Variants in CRB3 observed in about 807,000 individuals in gnomAD.
CRB3 encodes the protein protein crumbs homolog 3.
In CRB3, 4 loss-of-function variants were observed where a neutral mutation model predicts 10.4. The observed-to-expected ratio is 0.39, with a 90% CI of 0.19 to 0.88. CRB3 has a LOEUF of 0.88. Ranked by LOEUF, CRB3 falls within the 40% of genes least tolerant of loss-of-function variation. The pLI, the probability that CRB3 is intolerant of heterozygous loss-of-function variation, is 0.39. For synonymous variants in CRB3, 74 were observed against 73.4 expected, an observed-to-expected ratio of 1.01 and a Z score of -0.04; for missense variants, 154 against 160.2, an observed-to-expected ratio of 0.96 and a Z score of 0.21.
In CRB3 at chr19:6,466,380, TA is replaced by T. The variant is rs2092794418; in HGVS notation, c.157-85del. 2.9e-6 allele frequency: 3 copies of T among 1,032,292 alleles called. No individual in the cohort carries two copies. Among genetic ancestry groups the T allele is most frequent in the Non-Finnish European group, 4.5e-6 (3 of 671,556 alleles). The allele number at this position is 1,032,292 out of a possible 1,614,324, so 63.9% of individuals were successfully genotyped here. A position where few individuals can be genotyped will look rare whatever the true frequency, so the allele number is the denominator to read the frequency against. On this transcript the variant is annotated intron_variant, in intron 3 of 3. Coordinates refer to ENST00000600229, the MANE Select transcript of CRB3 (RefSeq NM_139161.5). This position sits in a 1 kb window ranked among gnomAD's most constrained non-coding sequence, Gnocchi z 4.9. ...GTATGTGTGTGTGTGTGTTGTGGGGTAGGGGGTGATGAGGGGGATGCCATTC... is the reference window on the plus strand; with the variant it reads ...GTATGTGTGTGTGTGTGTTGTGGGGTGGGGGTGATGAGGGGGATGCCATTC...
intron 2 of CRB3, chr19:6,465,332 G>A (rs766100786): frequency 3.3e-6 from 2 of 613,580 alleles, no homozygotes; most frequent in Admixed American, 2.6e-5. Flanking sequence ...TGGGCTCTGC[G>A]GGACTGGGTC....
rs2092784999 is a variant in CRB3 at position 6,464,429 on chromosome 19, C to G, written c.-95+79C>G. On this transcript the variant is annotated intron_variant, in intron 1 of 3. Coordinates refer to ENST00000600229, the MANE Select transcript of CRB3 (RefSeq NM_139161.5). The surrounding 1 kb of genome is among the most constrained non-coding windows in gnomAD (Gnocchi z 5.3). ...CGTCCCGTCCCGTCCCGTCCCGTCCCCTTCCTTTCCCCAGCCCAGGAACGC... is the reference window on the plus strand; with the variant it reads ...CGTCCCGTCCCGTCCCGTCCCGTCCGCTTCCTTTCCCCAGCCCAGGAACGC... 4 of 347,846 alleles carry G rather than the reference C, an allele frequency of 1.1e-5. No individual in the cohort carries two copies. The highest frequency in any genetic ancestry group is 3.0e-4 in the South Asian group (2 of 6,608). The allele number at this position is 347,846 out of a possible 1,614,324, so 21.5% of individuals were successfully genotyped here.
Position 6,466,858 on chromosome 19 carries a change from G to C in CRB3, c.*186G>C. The C allele has an allele frequency of 6.4e-7, 1 of 1,568,822 alleles. No individual in the cohort carries two copies. Among genetic ancestry groups the C allele is most frequent in the Non-Finnish European group, 8.7e-7 (1 of 1,155,394 alleles). On this transcript the variant is annotated 3_prime_UTR_variant, in exon 4 of 4. Transcript: ENST00000600229. This position sits in a 1 kb window ranked among gnomAD's most constrained non-coding sequence, Gnocchi z 4.9. ...CTGCTTGGCTGTGCCTGCAGCTCAG[G>C]GTGCTGGGGCTCGGGACCCACCCCC...
chr19:6,466,423 G>A lies in CRB3; in HGVS notation c.157-43G>A. On this transcript the variant is annotated intron_variant, in intron 3 of 3. Coordinates refer to ENST00000600229, the MANE Select transcript of CRB3 (RefSeq NM_139161.5). The surrounding 1 kb of genome is among the most constrained non-coding windows in gnomAD (Gnocchi z 4.9). ...ATGCCATTCAGGTGGAGGTGGACAG[G>A]CTACCCAGGCTCAGGTGATTCACAC... 2.5e-6 allele frequency: 4 copies of A among 1,568,694 alleles called. No individual in the cohort carries two copies. Among genetic ancestry groups the A allele is most frequent in the Non-Finnish European group, 2.6e-6 (3 of 1,141,860 alleles).
At position 6,464,776 on chromosome 19, in the gene CRB3, G is replaced by A; in HGVS notation, c.75G>A (p.Trp25Ter). 1 of 1,269,092 alleles carries A rather than the reference G, an allele frequency of 7.9e-7. No homozygotes were observed. The allele number at this position is 1,269,092 out of a possible 1,614,324, so 78.6% of individuals were successfully genotyped here. A position where few individuals can be genotyped will look rare whatever the true frequency, so the allele number is the denominator to read the frequency against. ...PFLLARWGRA[W>*]GQIQTTSANE... ...TGCTGGCCCGCTGGGGCCGAGCCTGGGGGCAAAGTAGGTACCAGCTGAGAG... is the reference window on the plus strand; with the variant it reads ...TGCTGGCCCGCTGGGGCCGAGCCTGAGGGCAAAGTAGGTACCAGCTGAGAG... Residue 25 changes from tryptophan to a stop codon, truncating the protein, a stop_gained, in exon 2 of 4, where the codon TGG becomes TGA. Coordinates refer to ENST00000600229, the MANE Select transcript of CRB3 (RefSeq NM_139161.5). LOFTEE classifies it high-confidence loss of function. This position sits in a 1 kb window ranked among gnomAD's most constrained non-coding sequence, Gnocchi z 5.3.
At chr19:6,465,286 G>A (rs557225390) in intron 2 of CRB3, 2 of 512,364 alleles carry the variant, frequency 3.9e-6, no homozygotes, top group South Asian at 5.2e-5. Context: ...GGGCCGAGAG[G>A]TGAGTAGGGG....
At chr19:6,463,999 G>C (rs1270457053), upstream of CRB3, 1 of 152,158 alleles carries the variant, frequency 6.6e-6, no homozygotes, top group African/African-American at 2.4e-5. Context: ...TACATACCCC[G>C]TGCGTCTCCA....
Position 6,466,200 on chromosome 19 carries a change from CA to C in CRB3, c.157-256del, listed in dbSNP as rs1343339886. ...TGGGCAACAGAGCAAGACTCGGTCTCAAAAAAAAAAGCCGGAGTCCCAGACA... is the reference window on the plus strand; with the variant it reads ...TGGGCAACAGAGCAAGACTCGGTCTCAAAAAAAAAGCCGGAGTCCCAGACA... On this transcript the variant is annotated intron_variant, in intron 3 of 3. Transcript: ENST00000600229. This position sits in a 1 kb window ranked among gnomAD's most constrained non-coding sequence, Gnocchi z 4.9. Among the ~76,000 whole-genome samples, 13 of 145,676 alleles carry C rather than the reference CA, an allele frequency of 8.9e-5. No individual in the cohort carries two copies. Among genetic ancestry groups the C allele is most frequent in the Admixed American group, 1.4e-4 (2 of 14,678 alleles).
At position 6,466,272 on chromosome 19, in the gene CRB3, G is replaced by C. The variant is rs2092793813; in HGVS notation, c.157-194G>C. 6.6e-6 allele frequency among the ~76,000 whole-genome samples: 1 copy of C among 152,050 alleles called. No homozygotes were observed. The highest frequency in any genetic ancestry group is 2.4e-5 in the African/African-American group (1 of 41,396). ...TGTCCCGGACATGGCAGGTGGTGGG[G>C]AGCCTTCGCACCCCAGACAAGGTAG... On this transcript the variant is annotated intron_variant, in intron 3 of 3. Coordinates refer to ENST00000600229, the MANE Select transcript of CRB3 (RefSeq NM_139161.5). This position sits in a 1 kb window ranked among gnomAD's most constrained non-coding sequence, Gnocchi z 4.9.
Position 6,465,595 on chromosome 19 carries a change from A to G in CRB3, c.133A>G (p.Ser45Gly), listed in dbSNP as rs2092790400. 23 of 1,613,936 alleles carry G rather than the reference A, an allele frequency of 1.4e-5. No homozygotes were observed. The highest frequency in any genetic ancestry group is 1.9e-5 in the Non-Finnish European group (23 of 1,179,908). ...TAGCACTGTTTTGCCTTCATCCACC[A>G]GCTCCAGCTCCGATGGCAACCTGGT... is the stretch of plus-strand genomic sequence containing the variant. ...ENSTVLPSST[S>G]SSSDGNLRPE... The change falls in exon 3 of 4, where the codon AGC becomes GGC. Residue 45 changes from serine to glycine, a missense_variant. By Grantham distance (56) the Ser-to-Gly change is moderately conservative (BLOSUM62 0). Transcript: ENST00000600229.
chr19:6,465,996 T>G (rs139523174), intron 3 of CRB3, among the ~76,000 whole-genome samples: 1 of 152,072 alleles, frequency 6.6e-6, no homozygotes, highest in African/African-American at 2.4e-5. Flanking sequence ...GTCAGGAGTT[T>G]GAAACCAGCA....
At position 6,464,531 on chromosome 19, in the gene CRB3, G is replaced by A. The variant is rs2092785378; in HGVS notation, c.-94-77G>A. On this transcript the variant is annotated intron_variant, in intron 1 of 3. Transcript: ENST00000600229. This position sits in a 1 kb window ranked among gnomAD's most constrained non-coding sequence, Gnocchi z 5.3. ...GGGACTCATGGGTGCCCTGGCGCCA[G>A]TTGTCTCTCCTGTGGGCCTGCGCCG... 9.9e-6 allele frequency: 4 copies of A among 402,030 alleles called. No individual in the cohort carries two copies. The allele number at this position is 402,030 out of a possible 1,614,324, so 24.9% of individuals were successfully genotyped here. A position where few individuals can be genotyped will look rare whatever the true frequency, so the allele number is the denominator to read the frequency against.
Position 6,466,342 on chromosome 19 carries a change from G to A in CRB3, c.157-124G>A, listed in dbSNP as rs2092794114. ...CACTGTGGGGATCAGATCACCAAAA[G>A]TGGCAGATGTGTGTATGTGTGTGTG... On this transcript the variant is annotated intron_variant, in intron 3 of 3. Transcript: ENST00000600229. The surrounding 1 kb of genome is among the most constrained non-coding windows in gnomAD (Gnocchi z 4.9). 1 of 827,856 alleles carries A rather than the reference G, an allele frequency of 1.2e-6. No homozygotes were observed. Among genetic ancestry groups the A allele is most frequent in the South Asian group, 1.5e-5 (1 of 65,046 alleles). The allele number at this position is 827,856 out of a possible 1,614,324, so 51.3% of individuals were successfully genotyped here.
In CRB3 at chr19:6,464,689, C is replaced by G. The variant is rs1261927991; in HGVS notation, c.-13C>G. ...AGCCCCTTCCTCGGCGCTGCCAACC[C>G]GCCACCCAGCCCATGGCGAACCCCG... On this transcript the variant is annotated 5_prime_UTR_variant, in exon 2 of 4. Transcript: ENST00000600229. The surrounding 1 kb of genome is among the most constrained non-coding windows in gnomAD (Gnocchi z 5.3). 4 of 1,234,784 alleles carry G rather than the reference C, an allele frequency of 3.2e-6. No individual in the cohort carries two copies. Among genetic ancestry groups the G allele is most frequent in the Non-Finnish European group, 4.0e-6 (4 of 988,850 alleles). 76.5% of individuals were successfully genotyped at this position (1,234,784 alleles called of 1,614,324 possible).
At position 6,466,982 on chromosome 19, in the gene CRB3, A is replaced by G; in HGVS notation, c.*310A>G. 1.2e-6 allele frequency: 2 copies of G among 1,613,938 alleles called. No individual in the cohort carries two copies. Among genetic ancestry groups the G allele is most frequent in the Middle Eastern group, 1.6e-4 (1 of 6,062 alleles). ...CATGCAGCCGAGGCCCGGGCCCCTC[A>G]GGACTCCAAGGAGACGGTGCAGGGC... On this transcript the variant is annotated 3_prime_UTR_variant, in exon 4 of 4. Coordinates refer to ENST00000600229, the MANE Select transcript of CRB3 (RefSeq NM_139161.5). The surrounding 1 kb of genome is among the most constrained non-coding windows in gnomAD (Gnocchi z 4.9).
chr19:6,464,640 G>A lies in CRB3; in HGVS notation c.-62G>A. ...GTCGCAGGTGCCCCTGGCCGGAGATGCGGTAGGAGGGGCGAGCGCGAGAAG... is the reference window on the plus strand; with the variant it reads ...GTCGCAGGTGCCCCTGGCCGGAGATACGGTAGGAGGGGCGAGCGCGAGAAG... On this transcript the variant is annotated 5_prime_UTR_variant, in exon 2 of 4. An upstream start codon of the reference 5' UTR is lost. Transcript: ENST00000600229. The surrounding 1 kb of genome is among the most constrained non-coding windows in gnomAD (Gnocchi z 5.3). 3 of 1,044,830 alleles carry A rather than the reference G, an allele frequency of 2.9e-6. No homozygotes were observed. Among genetic ancestry groups the A allele is most frequent in the Non-Finnish European group, 3.7e-6 (3 of 817,324 alleles). The allele number at this position is 1,044,830 out of a possible 1,614,324, so 64.7% of individuals were successfully genotyped here. A position where few individuals can be genotyped will look rare whatever the true frequency, so the allele number is the denominator to read the frequency against.
Position 6,464,301 on chromosome 19 carries a change from G to A in CRB3, c.-144G>A, listed in dbSNP as rs945512305. Reference sequence around the variant, plus strand: ...ACGACCGACGGACCGAGGGTTCGAGGGAGGGACACGGACCAGGAACCTGAG... The same window carrying A: ...ACGACCGACGGACCGAGGGTTCGAGAGAGGGACACGGACCAGGAACCTGAG... On this transcript the variant is annotated 5_prime_UTR_variant, in exon 1 of 4. Coordinates refer to ENST00000600229, the MANE Select transcript of CRB3 (RefSeq NM_139161.5). This position sits in a 1 kb window ranked among gnomAD's most constrained non-coding sequence, Gnocchi z 5.3. 5.9e-6 allele frequency: 1 copy of A among 168,458 alleles called. No homozygotes were observed. The highest frequency in any genetic ancestry group is 6.4e-5 in the Admixed American group (1 of 15,730). 10.4% of individuals were successfully genotyped at this position (168,458 alleles called of 1,614,324 possible).
At chr19:6,465,873 G>A (rs1160891850) in intron 3 of CRB3, among the ~76,000 whole-genome samples, 1 of 152,078 alleles carries the variant, frequency 6.6e-6, no homozygotes, top group Non-Finnish European at 1.5e-5. Flanking sequence ...GTGGGTGGGG[G>A]AGCAAGGAGC....
chr19:6,464,877 A>G lies in CRB3; in HGVS notation c.82+94A>G, dbSNP rs1027059060. ...TAGAAGCGCTGGGTATCTGGGGCGC[A>G]GAGAGGGTCAAGAATTGGGGAGCGG... On this transcript the variant is annotated intron_variant, in intron 2 of 3. Transcript: ENST00000600229. The surrounding 1 kb of genome is among the most constrained non-coding windows in gnomAD (Gnocchi z 5.3). 43 of 688,504 alleles carry G rather than the reference A, an allele frequency of 6.2e-5. No individual in the cohort carries two copies. Among genetic ancestry groups the G allele is most frequent in the Non-Finnish European group, 8.4e-5 (41 of 490,538 alleles). The allele number at this position is 688,504 out of a possible 1,614,324, so 42.6% of individuals were successfully genotyped here.
Sources: gnomAD v4.1 joint callset for allele counts (sites outside exome capture counted in the v4.1 genomes callset) on GRCh38, gnomAD v4.1.1 for gene constraint, Gnocchi (gnomAD v3.1) non-coding constraint, MANE v1.5 for transcripts, NCBI Gene and HGNC (gene_info 2026-07-23, HGNC 2026-07-21) for gene names.